Variants in PLD5 observed in about 807,000 individuals in gnomAD.
The protein encoded by PLD5 is inactive phospholipase D5.
PLD5 carries 36 observed loss-of-function variants against 61.1 expected under a neutral mutation model. The ratio of observed to expected loss-of-function variants is 0.59; its 90% CI spans 0.45 to 0.78. The LOEUF is 0.78. Among genes scored for constraint, PLD5 ranks in the 30% least tolerant of loss-of-function variants. The probability of loss-of-function intolerance (pLI) is 0.00; values close to 1 mark genes in which losing one functional copy is unlikely to be tolerated. For missense variants in PLD5, 515 were observed against 644.4 expected, an observed-to-expected ratio of 0.80 and a Z score of 2.17; for synonymous variants, 243 against 242.8, an observed-to-expected ratio of 1.00 and a Z score of -0.01.
chr1:242,151,144 C>T (rs1415448266), intron 5 of PLD5, among the ~76,000 whole-genome samples: 1 of 151,848 alleles, frequency 6.6e-6, no homozygotes, highest in East Asian at 1.9e-4. Context: ...TTTATGTATT[C>T]TAAAACATAC....
chr1:242,125,090 G>T (rs1662682004), intron 5 of PLD5, among the ~76,000 whole-genome samples: 1 of 152,116 alleles, frequency 6.6e-6, no homozygotes, highest in Admixed American at 6.6e-5. Context: ...CTGGATTGAG[G>T]TTCTGTTAAT....
chr1:242,290,655 G>GA (rs950902756), intron 2 of PLD5, among the ~76,000 whole-genome samples: 5 of 151,810 alleles, frequency 3.3e-5, no homozygotes, highest in African/African-American at 9.7e-5. Context: ...TAGACCAGGG[G>GA]AAAAAAAGAA....
intron 5 of PLD5, among the ~76,000 whole-genome samples, chr1:242,219,303 CG>C (rs1392779997): frequency 1.3e-5 from 2 of 151,824 alleles, no homozygotes; most frequent in Admixed American, 6.6e-5. Flanking sequence ...AATAATGGGC[CG>C]GGGAGGAGAC....
In PLD5 at chr1:242,084,726, T is replaced by C. The variant is rs1659376198; in HGVS notation, c.*5128A>G. On this transcript the variant is annotated 3_prime_UTR_variant, in exon 10 of 10. Transcript: ENST00000536534. ...TTTTTCTCACTAAAAATTAATGTAC[T>C]CAGAATGAACATTTATTGGAAAGGT... 1 of 144,686 alleles carries C rather than the reference T, an allele frequency of 6.9e-6. No homozygotes were observed. Among genetic ancestry groups the C allele is most frequent in the Non-Finnish European group, 1.5e-5 (1 of 65,916 alleles). The allele number at this position is 144,686 out of a possible 1,614,324, so 9.0% of individuals were successfully genotyped here. A position where few individuals can be genotyped will look rare whatever the true frequency, so the allele number is the denominator to read the frequency against.
chr1:242,481,837 G>A (rs1195443921), intron 1 of PLD5, among the ~76,000 whole-genome samples: 2 of 152,176 alleles, frequency 1.3e-5, no homozygotes, highest in East Asian at 3.9e-4. Context: ...ACCTCACACG[G>A]CCAGGTACTC....
intron 3 of PLD5, among the ~76,000 whole-genome samples, chr1:242,278,162 T>A (rs1261627487): frequency 1.3e-5 from 2 of 151,976 alleles, no homozygotes; most frequent in Middle Eastern, 3.2e-3. Context: ...AGGTTCTTAC[T>A]AATGACAAAG....
intron 1 of PLD5, among the ~76,000 whole-genome samples, chr1:242,399,533 C>T (rs193243391): frequency 2.0e-5 from 3 of 151,800 alleles, no homozygotes; most frequent in East Asian, 4.0e-4. Flanking sequence ...AGAATAAAGT[C>T]ATATTTTGTC....
chr1:242,196,016 G>A (rs1668619143), intron 5 of PLD5, among the ~76,000 whole-genome samples: 1 of 152,194 alleles, frequency 6.6e-6, no homozygotes, highest in African/African-American at 2.4e-5. Flanking sequence ...ATGAGAACCA[G>A]GCAGGCTTTG....
chr1:242,398,288 C>T (rs531275695), intron 1 of PLD5, among the ~76,000 whole-genome samples: 5 of 152,278 alleles, frequency 3.3e-5, no homozygotes, highest in African/African-American at 1.2e-4. Flanking sequence ...TTCTGTTCCA[C>T]AGACTCAGTA....
chr1:242,353,102 T>C (rs2149226475), intron 1 of PLD5, among the ~76,000 whole-genome samples: 1 of 152,272 alleles, frequency 6.6e-6, no homozygotes, highest in African/African-American at 2.4e-5. Context: ...TGTAAAAATG[T>C]TATCATCCAG....
At chr1:242,479,382 T>C (rs1465665168) in intron 1 of PLD5, among the ~76,000 whole-genome samples, 2 of 152,204 alleles carry the variant, frequency 1.3e-5, no homozygotes, top group African/African-American at 4.8e-5. Context: ...TATTTCCATA[T>C]ACAAGCAATG....
intron 9 of PLD5, among the ~76,000 whole-genome samples, chr1:242,096,656 G>T (rs1326370854): frequency 6.8e-6 from 1 of 146,976 alleles, no homozygotes; most frequent in Non-Finnish European, 1.5e-5. Flanking sequence ...TAGTTTTTTG[G>T]TTGTTTGTTT....
chr1:242,161,519 TAA>T (rs1232480975), intron 5 of PLD5, among the ~76,000 whole-genome samples: 2 of 152,130 alleles, frequency 1.3e-5, no homozygotes, highest in African/African-American at 2.4e-5. Context: ...TGTTTCTCTT[TAA>T]GTTTCCTATA....
At chr1:242,161,810 C>G (rs536219220) in intron 5 of PLD5, among the ~76,000 whole-genome samples, 2 of 152,178 alleles carry the variant, frequency 1.3e-5, no homozygotes, top group African/African-American at 4.8e-5. Context: ...ATTTGGTGCC[C>G]TTGATGATTT....
chr1:242,144,018 C>A (rs1045602054), intron 5 of PLD5, among the ~76,000 whole-genome samples: 1 of 151,668 alleles, frequency 6.6e-6, no homozygotes, highest in African/African-American at 2.4e-5. Context: ...TACAGGCTCC[C>A]GCCACCACGC....
At chr1:242,506,876 A>G (rs902605136) in intron 1 of PLD5, among the ~76,000 whole-genome samples, 1 of 152,170 alleles carries the variant, frequency 6.6e-6, no homozygotes, top group Non-Finnish European at 1.5e-5. Flanking sequence ...CAGCCTCTGC[A>G]CCAGTCCCAG....
intron 3 of PLD5, among the ~76,000 whole-genome samples, chr1:242,277,424 A>T (rs1272304684): frequency 7.1e-6 from 1 of 140,404 alleles, no homozygotes; most frequent in African/African-American, 2.6e-5. Context: ...AAAGCAGCTC[A>T]GATACCCTAT....
At chr1:242,267,291 C>G (rs1462260640) in intron 3 of PLD5, among the ~76,000 whole-genome samples, 2 of 152,204 alleles carry the variant, frequency 1.3e-5, no homozygotes, top group African/African-American at 2.4e-5. Flanking sequence ...TCACAGCTGA[C>G]AGCAGCAGGA....
intron 1 of PLD5, among the ~76,000 whole-genome samples, chr1:242,462,447 C>T (rs948612251): frequency 6.6e-6 from 1 of 152,016 alleles, no homozygotes; most frequent in Admixed American, 6.6e-5. Flanking sequence ...AACATGGGAA[C>T]AAGAGCCACT....
Sources: gnomAD v4.1 joint callset for allele counts (sites outside exome capture counted in the v4.1 genomes callset) on GRCh38, gnomAD v4.1.1 for gene constraint, MANE v1.5 for transcripts, NCBI Gene and HGNC (gene_info 2026-07-23, HGNC 2026-07-21) for gene names.